CCDC170: variants seen among roughly 807,000 people sequenced by gnomAD.
CCDC170 encodes coiled-coil domain-containing protein 170.
Under a neutral mutation model 72.6 loss-of-function variants are expected in CCDC170, and 69 were observed. The ratio of observed to expected loss-of-function variants is 0.95; its 90% CI spans 0.78 to 1.16. The LOEUF is 1.16. CCDC170 is among the 50% of genes most tolerant of loss of function. The pLI, the probability that CCDC170 is intolerant of heterozygous loss-of-function variation, is 0.00. For synonymous variants in CCDC170, 300 were observed against 303.9 expected, an observed-to-expected ratio of 0.99 and a Z score of 0.13; for missense variants, 852 against 832.5, an observed-to-expected ratio of 1.02 and a Z score of -0.29.
intron 5 of CCDC170, among the ~76,000 whole-genome samples, chr6:151,552,187 A>C (rs906800683): frequency 1.3e-5 from 2 of 152,170 alleles, no homozygotes; most frequent in Non-Finnish European, 2.9e-5. Flanking sequence ...GATTCAGGTT[A>C]AGGCTTTTGG....
At chr6:151,582,535 T>C (rs1562289930) in intron 6 of CCDC170, among the ~76,000 whole-genome samples, 1 of 152,236 alleles carries the variant, frequency 6.6e-6, no homozygotes. Flanking sequence ...GGCTGTTTTT[T>C]TTCTTATCAT....
intron 5 of CCDC170, among the ~76,000 whole-genome samples, chr6:151,563,300 A>G (rs1776075814): frequency 1.3e-5 from 2 of 152,176 alleles, no homozygotes; most frequent in African/African-American, 4.8e-5. Flanking sequence ...ATAACTGCAT[A>G]AGTGGGGTGG....
At position 151,618,117 on chromosome 6, in the gene CCDC170, C is replaced by G; in HGVS notation, c.2118C>G (p.His706Gln). The change falls in exon 11 of 11, where the codon CAC becomes CAG. Residue 706 changes from histidine (H) to glutamine (Q), a missense_variant. Physicochemically the swap from His to Gln is conservative, Grantham distance 24 (BLOSUM62 0). Transcript: ENST00000239374. Reference sequence around the variant, plus strand: ...ATGTGACTACTGGGCAAGAGAGGCACCCACAAGGCCATTTACAGCTTCTTC... The same window carrying G: ...ATGTGACTACTGGGCAAGAGAGGCAGCCACAAGGCCATTTACAGCTTCTTC... ...LKDVTTGQER[H>Q]PQGHLQLLH is the part of the protein sequence containing the mutation. 1 of 1,614,110 alleles carries G rather than the reference C, an allele frequency of 6.2e-7. No homozygotes were observed. Among genetic ancestry groups the G allele is most frequent in the Non-Finnish European group, 8.5e-7 (1 of 1,180,014 alleles).
At chr6:151,532,280 A>G (rs1782501049) in intron 1 of CCDC170, among the ~76,000 whole-genome samples, 1 of 152,212 alleles carries the variant, frequency 6.6e-6, no homozygotes, top group Non-Finnish European at 1.5e-5. Flanking sequence ...GAGATAAACT[A>G]CAAAATATAG....
chr6:151,512,911 A>C (rs1250630537), intron 1 of CCDC170, among the ~76,000 whole-genome samples: 1 of 152,270 alleles, frequency 6.6e-6, no homozygotes. Flanking sequence ...GAACTGATTA[A>C]GCAGTGACCC....
At chr6:151,561,586 A>T (rs1372689476) in intron 5 of CCDC170, among the ~76,000 whole-genome samples, 1 of 152,002 alleles carries the variant, frequency 6.6e-6, no homozygotes, top group Non-Finnish European at 1.5e-5. Flanking sequence ...TCTACTATTA[A>T]TTTAATAGGT....
At chr6:151,596,712 G>GA in intron 9 of CCDC170, 135 bp downstream of exon 9, 1 of 1,287,450 alleles carries the variant, frequency 7.8e-7, no homozygotes, top group Middle Eastern at 2.6e-4. Context: ...AGAATTATGG[G>GA]AAAAATGCAA....
intron 9 of CCDC170, among the ~76,000 whole-genome samples, chr6:151,605,009 G>A (rs951566636): frequency 6.6e-6 from 1 of 152,126 alleles, no homozygotes; most frequent in Non-Finnish European, 1.5e-5. Flanking sequence ...CTATCCAGCT[G>A]TAATTCTGTA....
intron 9 of CCDC170, among the ~76,000 whole-genome samples, chr6:151,608,010 A>G (rs1372142339): frequency 1.3e-5 from 2 of 152,132 alleles, no homozygotes; most frequent in Non-Finnish European, 2.9e-5. Context: ...TATGCCACAT[A>G]GACTTTCTTC....
At chr6:151,591,699 G>A (rs1177663666) in intron 7 of CCDC170, among the ~76,000 whole-genome samples, 1 of 152,024 alleles carries the variant, frequency 6.6e-6, no homozygotes, top group Non-Finnish European at 1.5e-5. Flanking sequence ...GTTTCACTGT[G>A]TTAGCCAGCA....
At chr6:151,513,935 A>G (rs530701718) in intron 1 of CCDC170, among the ~76,000 whole-genome samples, 44 of 151,180 alleles carry the variant, frequency 2.9e-4, no homozygotes, top group South Asian at 4.2e-4. Context: ...AAAAAAAAAA[A>G]AAAAGAAAAA....
chr6:151,545,155 C>A (rs1782752128), intron 4 of CCDC170, among the ~76,000 whole-genome samples: 1 of 152,170 alleles, frequency 6.6e-6, no homozygotes, highest in Admixed American at 6.5e-5. Context: ...CGCGGTGACT[C>A]ACGCCTGTAA....
intron 1 of CCDC170, among the ~76,000 whole-genome samples, chr6:151,530,729 C>T (rs6905824): frequency 4.6e-5 from 7 of 152,078 alleles, no homozygotes; most frequent in African/African-American, 1.7e-4. Context: ...GCCACTGCAC[C>T]TGGCCAATAT....
chr6:151,593,404 A>T, intron 8 of CCDC170, 124 bp downstream of exon 8: 1 of 1,024,082 alleles, frequency 9.8e-7, no homozygotes, highest in Non-Finnish European at 1.4e-6. Flanking sequence ...AAAAATATGT[A>T]TTTAGAATTG....
chr6:151,570,018 T>C (rs1776196407), intron 5 of CCDC170, among the ~76,000 whole-genome samples: 1 of 152,214 alleles, frequency 6.6e-6, no homozygotes, highest in Non-Finnish European at 1.5e-5. Context: ...GAAAACGTTC[T>C]TTGGATTTGT....
At chr6:151,613,754 G>T (rs1776913404) in intron 9 of CCDC170, among the ~76,000 whole-genome samples, 1 of 152,110 alleles carries the variant, frequency 6.6e-6, no homozygotes, top group South Asian at 2.1e-4. Flanking sequence ...GATGGCATTT[G>T]GGTTGTTTCT....
At chr6:151,548,833 C>T (rs1253886397) in intron 5 of CCDC170, among the ~76,000 whole-genome samples, 2 of 152,098 alleles carry the variant, frequency 1.3e-5, no homozygotes, top group Admixed American at 6.6e-5. Flanking sequence ...AATTCTCCTG[C>T]CTCAGCCACC....
intron 5 of CCDC170, among the ~76,000 whole-genome samples, chr6:151,556,380 G>C (rs1469131085): frequency 6.6e-6 from 1 of 152,228 alleles, no homozygotes; most frequent in Non-Finnish European, 1.5e-5. Context: ...ACTTGAACCT[G>C]GGAGGTGGAG....
chr6:151,564,195 A>T (rs889937409), intron 5 of CCDC170, among the ~76,000 whole-genome samples: 22 of 151,994 alleles, frequency 1.4e-4, no homozygotes, highest in Non-Finnish European at 8.8e-5. Flanking sequence ...TGCATCTGTG[A>T]TGTTGGTTGG....
Sources: allele counts gnomAD v4.1 joint callset (sites outside exome capture counted in the v4.1 genomes callset), GRCh38; gene constraint gnomAD v4.1.1; transcripts MANE v1.5; gene names NCBI Gene and HGNC (gene_info 2026-07-23, HGNC 2026-07-21).